ABI3BP: variants seen among roughly 807,000 people sequenced by gnomAD.
The protein encoded by ABI3BP is ABI family member 3 binding protein, also known as target of Nesh-SH3.
ABI3BP carries 216 observed loss-of-function variants against 268.6 expected under a neutral mutation model. The ratio of observed to expected loss-of-function variants is 0.80; its 90% CI spans 0.72 to 0.90. The LOEUF (loss-of-function observed/expected upper bound fraction) is 0.90, where lower values mean the gene tolerates loss of function less well. Among genes scored for constraint, ABI3BP ranks in the 40% least tolerant of loss-of-function variants. The probability of loss-of-function intolerance (pLI) is 0.00; values close to 1 mark genes in which losing one functional copy is unlikely to be tolerated. For missense variants in ABI3BP, 2,090 were observed against 2,182.4 expected, an observed-to-expected ratio of 0.96 and a Z score of 0.84; for synonymous variants, 730 against 730.0, an observed-to-expected ratio of 1.00 and a Z score of 0.00.
rs1178024676 is a variant in ABI3BP, at chr3:100,815,913, A to G, written c.3288T>C (p.Phe1096=). 2.6e-6 allele frequency: 4 copies of G among 1,522,090 alleles called. No individual in the cohort carries two copies. The highest frequency in any genetic ancestry group is 3.5e-6 in the Non-Finnish European group (4 of 1,143,032). 94.3% of individuals were successfully genotyped at this position (1,522,090 alleles called of 1,614,324 possible). A position where few individuals can be genotyped will look rare whatever the true frequency, so the allele number is the denominator to read the frequency against. The part of the protein sequence containing the change: ...VHSTDAPGTT[F]ALTELQTLIL... The stretch of plus-strand genomic sequence containing the variant: ...AATGCAAGTCACAAAAATCATTACC[A>G]AATGTTGTTCCTGGAGCATCAGTAC... Residue 1096 remains phenylalanine (F), a splice_region_variant and synonymous_variant, in exon 44 of 68, where the codon TTT becomes TTC. Transcript: ENST00000471714.
intron 3 of ABI3BP, among the ~76,000 whole-genome samples, chr3:100,900,119 A>G (rs908743826): frequency 6.6e-6 from 1 of 152,230 alleles, no homozygotes; most frequent in Admixed American, 6.5e-5. Flanking sequence ...TGTTTGAAAT[A>G]AGTTTCAAAG....
intron 13 of ABI3BP, 64 bp downstream of exon 13, chr3:100,862,774 G>A: frequency 8.9e-7 from 1 of 1,126,778 alleles, no homozygotes; most frequent in Non-Finnish European, 1.3e-6. Context: ...CAGTAAATGT[G>A]TCCTGCAGAA....
At chr3:100,925,286 C>G (rs1411076740) in intron 2 of ABI3BP, among the ~76,000 whole-genome samples, 1 of 152,070 alleles carries the variant, frequency 6.6e-6, no homozygotes, top group East Asian at 1.9e-4. Context: ...TAGGATAACA[C>G]CTCTGAAACT....
chr3:100,956,386 ATTCTCACCAG>A (rs1234600793), intron 1 of ABI3BP, among the ~76,000 whole-genome samples: 1 of 152,088 alleles, frequency 6.6e-6, no homozygotes, highest in African/African-American at 2.4e-5. Context: ...CATGTAACTA[ATTCTCACCAG>A]TAGGTTGTGC....
chr3:100,893,504 A>G (rs1365173532), intron 4 of ABI3BP, among the ~76,000 whole-genome samples: 1 of 152,186 alleles, frequency 6.6e-6, no homozygotes, highest in Non-Finnish European at 1.5e-5. Context: ...GTTTAAGAAT[A>G]GGTTAAGAAG....
Position 100,832,324 on chromosome 3 carries a change from G to A in ABI3BP, c.2341C>T (p.Arg781Cys), listed in dbSNP as rs922804926. ...SAPTTTTKRTRRPHPKPKTTP... is the reference protein window; with the variant it reads ...SAPTTTTKRTCRPHPKPKTTP... Reference sequence around the variant, plus strand: ...GTTTTAGGTTTGGGATGTGGACGACGGGTTCTTTTTGTTGTTGTTGTTGGA... The same window carrying A: ...GTTTTAGGTTTGGGATGTGGACGACAGGTTCTTTTTGTTGTTGTTGTTGGA... Residue 781 changes from arginine (R) to cysteine (C), a missense_variant, in exon 31 of 68, where the codon CGT becomes TGT. Physicochemically the swap from Arg to Cys is radical, Grantham distance 180 (BLOSUM62 -3). Coordinates refer to ENST00000471714, the MANE Select transcript of ABI3BP (RefSeq NM_001375547.2). 7.2e-6 allele frequency: 11 copies of A among 1,534,958 alleles called. No homozygotes were observed. The East Asian group carries it at 9.8e-5, about 14-fold the overall frequency.
chr3:100,862,254 TAA>T (rs1277970107), intron 14 of ABI3BP, 55 bp downstream of exon 14: 11 of 1,162,594 alleles, frequency 9.5e-6, no homozygotes, highest in East Asian at 7.5e-5. Context: ...ATAAAAACAA[TAA>T]GTTACTCAAT....
At chr3:100,778,752 A>C (rs2096784438) in intron 58 of ABI3BP, 1 of 192,014 alleles carries the variant, frequency 5.2e-6, no homozygotes, top group African/African-American at 2.4e-5. Context: ...TGTAACAATT[A>C]TTTATATTGC....
In ABI3BP at chr3:100,749,867, C is replaced by T. The variant is rs1331763196; in HGVS notation, c.*628G>A. The T allele has an allele frequency of 1.3e-5, 5 of 395,722 alleles. No individual in the cohort carries two copies. The highest frequency in any genetic ancestry group is 2.2e-5 in the Non-Finnish European group (5 of 224,718). The allele number at this position is 395,722 out of a possible 1,614,324, so 24.5% of individuals were successfully genotyped here. On this transcript the variant is annotated 3_prime_UTR_variant, in exon 68 of 68. Coordinates refer to ENST00000471714, the MANE Select transcript of ABI3BP (RefSeq NM_001375547.2). ...TTAGCTGAAATGAAATTTACTGATT[C>T]AATCTTTTTAAGAATTTGTGGATGT... is the stretch of plus-strand genomic sequence containing the variant.
At chr3:100,885,625 C>T (rs1167862557) in intron 5 of ABI3BP, 37 bp from the exon 6 acceptor site, 3 of 1,289,082 alleles carry the variant, frequency 2.3e-6, no homozygotes, top group Non-Finnish European at 3.3e-6. Context: ...TATTTTTATT[C>T]TCCTTGCTCC....
At chr3:100,847,452 G>T in intron 19 of ABI3BP, 150 bp downstream of exon 19, 1 of 683,976 alleles carries the variant, frequency 1.5e-6, no homozygotes, top group Non-Finnish European at 2.6e-6. Flanking sequence ...AATAGCCATG[G>T]AGCTGGTGCA....
chr3:100,864,938 T>C (rs940471127), intron 10 of ABI3BP, 31 bp from the exon 11 acceptor site: 1 of 1,547,658 alleles, frequency 6.5e-7, no homozygotes, highest in African/African-American at 1.4e-5. Context: ...CTTTACAAAT[T>C]AAGATAAAGT....
chr3:100,843,731 T>A, intron 20 of ABI3BP: 1 of 982,894 alleles, frequency 1.0e-6, no homozygotes, highest in Non-Finnish European at 1.2e-6. Context: ...TAAACATCAA[T>A]ACATGAAATA....
At chr3:100,890,165 T>C (rs1378291927) in intron 4 of ABI3BP, among the ~76,000 whole-genome samples, 1 of 152,176 alleles carries the variant, frequency 6.6e-6, no homozygotes, top group Non-Finnish European at 1.5e-5. Context: ...GACTGTCTTT[T>C]GGGTTTTCCA....
intron 21 of ABI3BP, 52 bp downstream of exon 21, chr3:100,841,946 T>C: frequency 1.5e-6 from 2 of 1,302,784 alleles, no homozygotes; most frequent in East Asian, 2.6e-5. Context: ...AAGTTGAACA[T>C]GGAGAGTGTT....
At position 100,804,760 on chromosome 3, in the gene ABI3BP, C is replaced by T. The variant is rs764145937; in HGVS notation, c.3757+32G>A. 3 of 1,582,060 alleles carry T rather than the reference C, an allele frequency of 1.9e-6. No individual in the cohort carries two copies. In the Admixed American group the frequency reaches 5.0e-5, roughly 26 times the overall value. On this transcript the variant is annotated intron_variant, in intron 51 of 67. Transcript: ENST00000471714. ...TGAAGCAGAGTGGGACAGTAGAATG[C>T]ATTTGGCTTAAACATGAAATAAAGC...
rs142968868 is a variant in ABI3BP at position 100,914,010 on chromosome 3, C to T, written c.260-11324G>A. Among the ~76,000 whole-genome samples the T allele has an allele frequency of 7.2e-5, 11 of 152,102 alleles. No individual in the cohort carries two copies. The East Asian group carries it at 1.9e-3, about 27-fold the overall frequency. On this transcript the variant is annotated intron_variant, in intron 2 of 67. Coordinates refer to ENST00000471714, the MANE Select transcript of ABI3BP (RefSeq NM_001375547.2). ...GGCTAGAAGAAAGATGAATGAAGCC[C>T]GAGGCTTTGCAGGCAGAAAGGAAAA...
At chr3:100,938,877 A>ATTAGGT (rs2067487986) in intron 1 of ABI3BP, among the ~76,000 whole-genome samples, 1 of 152,088 alleles carries the variant, frequency 6.6e-6, no homozygotes, top group South Asian at 2.1e-4. Context: ...GCATGAAAGA[A>ATTAGGT]CAAAGTAGGT....
intron 49 of ABI3BP, 53 bp downstream of exon 49, chr3:100,810,359 T>C: frequency 6.9e-7 from 1 of 1,440,638 alleles, no homozygotes; most frequent in South Asian, 1.2e-5. Flanking sequence ...GTGACCATAC[T>C]GACATTCTGC....
Sources: gnomAD v4.1 joint callset for allele counts (sites outside exome capture counted in the v4.1 genomes callset) on GRCh38, gnomAD v4.1.1 for gene constraint, MANE v1.5 for transcripts, NCBI Gene and HGNC (gene_info 2026-07-23, HGNC 2026-07-21) for gene names.